BLOC1S5: variants seen among roughly 807,000 people sequenced by gnomAD.
BLOC1S5 encodes biogenesis of lysosomal organelles complex 1 subunit 5, also known as biogenesis of lysosome-related organelles complex 1 subunit 5.
BLOC1S5 carries 27 observed loss-of-function variants against 24.3 expected under a neutral mutation model. That is an observed-to-expected ratio of 1.11 (90% confidence interval 0.82 to 1.53). BLOC1S5 has a LOEUF of 1.53. BLOC1S5 is among the 40% of genes most tolerant of loss of function. The probability of loss-of-function intolerance (pLI) is 0.00; values close to 1 mark genes in which losing one functional copy is unlikely to be tolerated. For synonymous variants in BLOC1S5, 84 were observed against 74.5 expected (o/e 1.13, Z -0.66); for missense variants, 239 against 229.4 (o/e 1.04, Z -0.27).
intron 4 of BLOC1S5, among the ~76,000 whole-genome samples, chr6:8,024,959 C>T (rs1040415527): frequency 3.3e-5 from 5 of 152,132 alleles, no homozygotes; most frequent in African/African-American, 1.2e-4. Flanking sequence ...TATTTCTTAC[C>T]CAATCTGGTC....
chr6:8,046,046 A>C (rs1162629868), intron 2 of BLOC1S5, among the ~76,000 whole-genome samples: 1 of 152,132 alleles, frequency 6.6e-6, no homozygotes, highest in African/African-American at 2.4e-5. Context: ...TCCCCACCCA[A>C]ATCTCAACTT....
Position 8,064,341 on chromosome 6 carries a change from A to C in BLOC1S5, c.36T>G (p.Cys12Trp). The C allele has an allele frequency of 3.1e-6, 5 of 1,612,722 alleles. No individual in the cohort carries two copies. Among genetic ancestry groups the C allele is most frequent in the Non-Finnish European group, 4.2e-6 (5 of 1,179,822 alleles). ...SGGGTETPVG[C>W]EAAPGGGSKK... is the part of the protein sequence containing the mutation. ...TGCTGCCACCGCCCGGGGCGGCCTC[A>C]CAACCCACAGGGGTCTCTGTCCCTC... The change falls in exon 1 of 5, where the codon TGT (cysteine) becomes TGG (tryptophan). Residue 12 changes from cysteine (C) to tryptophan (W), a missense_variant. Physicochemically the swap from Cys to Trp is radical, Grantham distance 215 (BLOSUM62 -2). Coordinates refer to ENST00000397457, the MANE Select transcript of BLOC1S5 (RefSeq NM_201280.3).
intron 2 of BLOC1S5, among the ~76,000 whole-genome samples, chr6:8,060,973 T>G (rs1764489762): frequency 6.6e-6 from 1 of 152,126 alleles, no homozygotes; most frequent in Non-Finnish European, 1.5e-5. Context: ...TACAGGCACA[T>G]GCCACCATGC....
At chr6:8,044,824 A>C (rs1172728976) in intron 2 of BLOC1S5, among the ~76,000 whole-genome samples, 3 of 152,236 alleles carry the variant, frequency 2.0e-5, no homozygotes, top group Admixed American at 6.5e-5. Context: ...TAAGGAGCAA[A>C]GCATTCAAGA....
chr6:8,017,407 C>CACA (rs1554136933), intron 4 of BLOC1S5, among the ~76,000 whole-genome samples: 5,432 of 151,702 alleles, frequency 0.036, 306 homozygotes, highest in African/African-American at 0.12. Context: ...CACACACACA[C>CACA]CTACAAAGCA....
At chr6:8,058,357 G>GGAAA (rs1764388985) in intron 2 of BLOC1S5, among the ~76,000 whole-genome samples, 2 of 84,554 alleles carry the variant, frequency 2.4e-5, no homozygotes, top group Admixed American at 1.4e-4. Flanking sequence ...CTGTCTCTAT[G>GGAAA]AAAAAAAAAA....
rs1346195571 is a variant in BLOC1S5 at position 8,041,635 on chromosome 6, A to ATTAC, written c.196-371_196-368dup. ...CCATATTGTGTCTTAAATCTTAGTA[A>ATTAC]TTACTTTCTTTCTTTCTTTCTTTTT... On this transcript the variant is annotated intron_variant, in intron 2 of 4. Coordinates refer to ENST00000397457, the MANE Select transcript of BLOC1S5 (RefSeq NM_201280.3). Among the ~76,000 whole-genome samples, 787 of 93,936 alleles carry ATTAC rather than the reference A, an allele frequency of 8.4e-3. 2 individuals are homozygous for ATTAC. Among genetic ancestry groups the ATTAC allele is most frequent in the Non-Finnish European group, 0.014 (628 of 45,014 alleles). The allele number at this position is 93,936 out of a possible 152,430, so 61.6% of individuals were successfully genotyped here.
intron 1 of BLOC1S5, among the ~76,000 whole-genome samples, chr6:8,063,874 G>A (rs1465190098): frequency 6.6e-6 from 1 of 152,198 alleles, no homozygotes; most frequent in Non-Finnish European, 1.5e-5. Flanking sequence ...GGGTAGGAGA[G>A]TGAGTAAAGC....
intron 2 of BLOC1S5, among the ~76,000 whole-genome samples, chr6:8,042,805 T>C (rs768064019): frequency 6.6e-6 from 1 of 152,210 alleles, no homozygotes; most frequent in African/African-American, 2.4e-5. Flanking sequence ...TCTGGAAGTC[T>C]GAAAATGCTG....
At chr6:8,032,847 A>G (rs1046844159) in intron 3 of BLOC1S5, among the ~76,000 whole-genome samples, 10 of 152,218 alleles carry the variant, frequency 6.6e-5, no homozygotes, top group Non-Finnish European at 1.2e-4. Flanking sequence ...ACAAACAGAG[A>G]GCCAAATCAT....
In BLOC1S5 at chr6:8,033,244, T is replaced by C. The variant is rs550346703; in HGVS notation, c.326-6819A>G. Among the ~76,000 whole-genome samples, 154 of 152,276 alleles carry C rather than the reference T, an allele frequency of 1.0e-3. 1 individual carries two copies. Among genetic ancestry groups the C allele is most frequent in the African/African-American group, 3.5e-3 (146 of 41,546 alleles). The stretch of plus-strand genomic sequence containing the variant: ...TTAAAACTATACTACAAGGCTACAG[T>C]AACCAAAACAGCATGGTACTGGTAC... On this transcript the variant is annotated intron_variant, in intron 3 of 4. Coordinates refer to ENST00000397457, the MANE Select transcript of BLOC1S5 (RefSeq NM_201280.3).
At chr6:8,058,878 C>T (rs935650391) in intron 2 of BLOC1S5, among the ~76,000 whole-genome samples, 5 of 152,210 alleles carry the variant, frequency 3.3e-5, no homozygotes, top group Non-Finnish European at 7.3e-5. Flanking sequence ...TTTCAGATAT[C>T]TGTCACTATT....
At chr6:8,030,669 C>T (rs1007145344) in intron 3 of BLOC1S5, among the ~76,000 whole-genome samples, 1 of 150,492 alleles carries the variant, frequency 6.6e-6, no homozygotes, top group African/African-American at 2.4e-5. Flanking sequence ...GTCAGGAGTT[C>T]GAGACCAGCC....
At chr6:8,059,586 G>A (rs1173180353) in intron 2 of BLOC1S5, among the ~76,000 whole-genome samples, 1 of 152,066 alleles carries the variant, frequency 6.6e-6, no homozygotes, top group Non-Finnish European at 1.5e-5. Flanking sequence ...TCATTGTTTC[G>A]GCCATGATAG....
intron 2 of BLOC1S5, among the ~76,000 whole-genome samples, chr6:8,043,325 A>G (rs1047298100): frequency 6.6e-6 from 1 of 152,208 alleles, no homozygotes; most frequent in African/African-American, 2.4e-5. Flanking sequence ...CAATGCAATA[A>G]TACCTCAACC....
chr6:8,051,136 C>T (rs566496551), intron 2 of BLOC1S5, among the ~76,000 whole-genome samples: 1 of 149,502 alleles, frequency 6.7e-6, no homozygotes, highest in African/African-American at 2.5e-5. Context: ...TGCAGTGAGC[C>T]GAGACTGCGC....
Position 8,014,251 on chromosome 6 carries a change from A to T in BLOC1S5, c.*1398T>A, listed in dbSNP as rs1394427600. On this transcript the variant is annotated 3_prime_UTR_variant, in exon 5 of 5. Coordinates refer to ENST00000397457, the MANE Select transcript of BLOC1S5 (RefSeq NM_201280.3). ...TACTTTTGCTTGGTTTATGGCAAATAAAAAATCAACTTAGTTCTTCAGTTA... is the reference window on the plus strand; with the variant it reads ...TACTTTTGCTTGGTTTATGGCAAATTAAAAATCAACTTAGTTCTTCAGTTA... The T allele has an allele frequency of 6.6e-6, 1 of 152,122 alleles. No individual in the cohort carries two copies. The allele number at this position is 152,122 out of a possible 1,614,324, so 9.4% of individuals were successfully genotyped here.
chr6:8,045,546 CCA>C (rs1763853358), intron 2 of BLOC1S5, among the ~76,000 whole-genome samples: 1 of 152,124 alleles, frequency 6.6e-6, no homozygotes. Flanking sequence ...CCTGGAAAAG[CCA>C]CAGACACTCA....
intron 3 of BLOC1S5, among the ~76,000 whole-genome samples, chr6:8,037,559 A>G (rs574773224): frequency 2.3e-3 from 344 of 152,352 alleles, no homozygotes; most frequent in Non-Finnish European, 4.0e-3. Context: ...AGCAATTTAC[A>G]GGCTCAATGC....
Sources: gnomAD v4.1 joint callset for allele counts (sites outside exome capture counted in the v4.1 genomes callset) on GRCh38, gnomAD v4.1.1 for gene constraint, MANE v1.5 for transcripts, NCBI Gene and HGNC (gene_info 2026-07-23, HGNC 2026-07-21) for gene names.